The following CRISPLD2 variants were observed in gnomAD, a reference collection of about 807,000 sequenced individuals.
CRISPLD2 encodes the protein cysteine-rich secretory protein LCCL domain-containing 2.
CRISPLD2 carries 47 observed loss-of-function variants against 71.1 expected under a neutral mutation model. The observed-to-expected ratio is 0.66, with a 90% CI of 0.52 to 0.84. The LOEUF is 0.84. Ranked by LOEUF, CRISPLD2 falls within the 40% of genes least tolerant of loss-of-function variation. The pLI, the probability that CRISPLD2 is intolerant of heterozygous loss-of-function variation, is 0.00. For missense variants in CRISPLD2, 830 were observed against 651.1 expected, an observed-to-expected ratio of 1.27 and a Z score of -2.99; for synonymous variants, 317 against 250.1, an observed-to-expected ratio of 1.27 and a Z score of -2.52.
intron 14 of CRISPLD2, among the ~76,000 whole-genome samples, chr16:84,905,756 C>G (rs1393597503): frequency 9.7e-5 from 14 of 144,466 alleles, no homozygotes; most frequent in Admixed American, 9.4e-4. Flanking sequence ...GTCCCCCAGG[C>G]TGGAGTGCAA....
intron 4 of CRISPLD2, 134 bp from the exon 5 acceptor site, chr16:84,850,434 G>C: frequency 4.3e-6 from 3 of 695,620 alleles, no homozygotes; most frequent in Non-Finnish European, 7.7e-6. Context: ...CAATGGGTTA[G>C]GGACTAATAT....
At chr16:84,877,882 T>C (rs1308473580) in intron 12 of CRISPLD2, among the ~76,000 whole-genome samples, 2 of 150,066 alleles carry the variant, frequency 1.3e-5, no homozygotes, top group Non-Finnish European at 3.0e-5. Flanking sequence ...AAATCAGCTT[T>C]ATTGAGGTAA....
chr16:84,842,131 T>G (rs1916788190), intron 2 of CRISPLD2: 1 of 152,492 alleles, frequency 6.6e-6, no homozygotes, highest in South Asian at 2.1e-4. Context: ...CACCGCACCG[T>G]GAGAAAGGCT....
At chr16:84,861,279 A>C (rs1917372515) in intron 6 of CRISPLD2, among the ~76,000 whole-genome samples, 1 of 152,200 alleles carries the variant, frequency 6.6e-6, no homozygotes, top group Non-Finnish European at 1.5e-5. Flanking sequence ...TCCTGGTACC[A>C]AAATCTGTAT....
intron 1 of CRISPLD2, among the ~76,000 whole-genome samples, chr16:84,829,881 C>G (rs950397001): frequency 3.3e-5 from 5 of 152,234 alleles, no homozygotes; most frequent in Non-Finnish European, 7.3e-5. Context: ...GCCACGCCTG[C>G]GGCAGCCCCT....
intron 5 of CRISPLD2, among the ~76,000 whole-genome samples, chr16:84,851,223 C>G (rs1917080649): frequency 6.6e-6 from 1 of 152,208 alleles, no homozygotes; most frequent in South Asian, 2.1e-4. Flanking sequence ...CACACAAAGC[C>G]TAGCTTCTCT....
chr16:84,872,460 C>A lies in CRISPLD2; in HGVS notation c.933C>A (p.Gly311=). ...STCNRYQCPA[G]CLNHKAKIFG... ...TCGTCAGGTACCAGTGCCCAGCAGG[C>A]TGCCTGAACCACAAGGCGAAGATCT... The change falls in exon 9 of 15, where the codon GGC becomes GGA. Residue 311 remains glycine, a synonymous_variant. Coordinates refer to ENST00000262424, the MANE Select transcript of CRISPLD2 (RefSeq NM_031476.4). 6.2e-7 allele frequency: 1 copy of A among 1,613,986 alleles called. No individual in the cohort carries two copies. The highest frequency in any genetic ancestry group is 8.5e-7 in the Non-Finnish European group (1 of 1,179,890).
At chr16:84,901,163 A>G (rs985835192) in intron 14 of CRISPLD2, among the ~76,000 whole-genome samples, 1 of 152,246 alleles carries the variant, frequency 6.6e-6, no homozygotes, top group African/African-American at 2.4e-5. Flanking sequence ...CTTTCTGTAT[A>G]GTAAAGCAAC....
At chr16:84,889,602 T>G (rs893377371) in intron 14 of CRISPLD2, among the ~76,000 whole-genome samples, 1 of 152,114 alleles carries the variant, frequency 6.6e-6, no homozygotes, top group African/African-American at 2.4e-5. Context: ...AAAAGAACTT[T>G]TTTTCCTATT....
At chr16:84,875,090 A>G (rs929760311) in intron 11 of CRISPLD2, among the ~76,000 whole-genome samples, 1 of 152,044 alleles carries the variant, frequency 6.6e-6, no homozygotes, top group East Asian at 1.9e-4. Context: ...AAAACACACA[A>G]AATTAGCTGG....
At chr16:84,864,285 A>T (rs1425982920) in intron 6 of CRISPLD2, among the ~76,000 whole-genome samples, 1 of 152,172 alleles carries the variant, frequency 6.6e-6, no homozygotes, top group Non-Finnish European at 1.5e-5. Flanking sequence ...AAAGCCTTCT[A>T]CTTTTCATTT....
At chr16:84,863,850 C>T (rs1284431367) in intron 6 of CRISPLD2, among the ~76,000 whole-genome samples, 1 of 151,320 alleles carries the variant, frequency 6.6e-6, no homozygotes, top group Non-Finnish European at 1.5e-5. Context: ...TGCCTGTAAT[C>T]CCAGGCTGAG....
At position 84,831,644 on chromosome 16, in the gene CRISPLD2, G is replaced by A. The variant is rs141328670; in HGVS notation, c.-74-6778G>A. Among the ~76,000 whole-genome samples, 1,483 of 152,242 alleles carry A rather than the reference G, an allele frequency of 9.7e-3. 14 individuals are homozygous for A. Among genetic ancestry groups the A allele is most frequent in the Non-Finnish European group, 0.017 (1,146 of 68,008 alleles). ...TGGTCTCAAACTCCTGAGCTCAAGC[G>A]ATCCTCCCAGCTCAACATCCCAAAG... On this transcript the variant is annotated intron_variant, in intron 1 of 14. Coordinates refer to ENST00000262424, the MANE Select transcript of CRISPLD2 (RefSeq NM_031476.4).
intron 5 of CRISPLD2, among the ~76,000 whole-genome samples, chr16:84,852,818 C>T (rs1024040434): frequency 6.6e-6 from 1 of 152,142 alleles, no homozygotes; most frequent in Non-Finnish European, 1.5e-5. Context: ...CCTGTAATCC[C>T]AGCCTCCTTT....
intron 13 of CRISPLD2, among the ~76,000 whole-genome samples, chr16:84,888,847 C>T (rs911596307): frequency 6.6e-6 from 1 of 152,224 alleles, no homozygotes; most frequent in African/African-American, 2.4e-5. Context: ...CCCCCGCCAC[C>T]CAGGCATTTA....
At chr16:84,859,703 A>G (rs1314467892) in intron 6 of CRISPLD2, among the ~76,000 whole-genome samples, 2 of 152,156 alleles carry the variant, frequency 1.3e-5, no homozygotes, top group Non-Finnish European at 2.9e-5. Flanking sequence ...CTTCCTGTCA[A>G]TTTCACCTCT....
At chr16:84,865,635 T>C (rs758729233) in intron 6 of CRISPLD2, among the ~76,000 whole-genome samples, 1 of 152,162 alleles carries the variant, frequency 6.6e-6, no homozygotes, top group Non-Finnish European at 1.5e-5. Flanking sequence ...GAGCATGCCA[T>C]AAGTAAAGGT....
intron 1 of CRISPLD2, among the ~76,000 whole-genome samples, chr16:84,821,388 C>T (rs527343049): frequency 5.9e-5 from 9 of 152,274 alleles, no homozygotes; most frequent in South Asian, 2.1e-4. Context: ...GTTGCCTGTG[C>T]GGCAGGCACG....
At position 84,867,012 on chromosome 16, in the gene CRISPLD2, C is replaced by A; in HGVS notation, c.825C>A (p.Pro275=). The A allele has an allele frequency of 1.2e-6, 2 of 1,614,056 alleles. No individual in the cohort carries two copies. Among genetic ancestry groups the A allele is most frequent in the Non-Finnish European group, 8.5e-7 (1 of 1,180,010 alleles). ...CGAGGGTGATGAGACCCACCAAGCCCAAGAAAACCTCTGCGGTCAACTACA... is the reference window on the plus strand; with the variant it reads ...CGAGGGTGATGAGACCCACCAAGCCAAAGAAAACCTCTGCGGTCAACTACA... ...LQPRVMRPTK[P]KKTSAVNYMT... Residue 275 remains proline, a synonymous_variant, in exon 7 of 15, where the codon CCC becomes CCA. Transcript: ENST00000262424.
Sources: allele counts gnomAD v4.1 joint callset (sites outside exome capture counted in the v4.1 genomes callset), GRCh38; gene constraint gnomAD v4.1.1; transcripts MANE v1.5; gene names NCBI Gene and HGNC (gene_info 2026-07-23, HGNC 2026-07-21).